Variants in APC observed in about 807,000 individuals in gnomAD.
APC encodes the protein adenomatous polyposis coli protein.
Under a neutral mutation model 247.0 loss-of-function variants are expected in APC, and 72 were observed. The observed-to-expected ratio is 0.29, with a 90% CI of 0.24 to 0.35. The LOEUF is 0.35. Ranked by LOEUF, APC falls within the 10% of genes least tolerant of loss-of-function variation. APC has a pLI of 1.00. For synonymous variants in APC, 1,254 were observed against 1,162.5 expected (o/e 1.08, Z -1.60); for missense variants, 3,400 against 3,360.7 (o/e 1.01, Z -0.29).
chr5:112,789,156 A>G (rs962205400), intron 6 of APC, among the ~76,000 whole-genome samples: 1 of 152,242 alleles, frequency 6.6e-6, no homozygotes, highest in Non-Finnish European at 1.5e-5. Flanking sequence ...CTAAAGTCAT[A>G]TCAAGTCCAT....
intron 1 of APC, among the ~76,000 whole-genome samples, chr5:112,708,682 A>G (rs1750673948): frequency 6.6e-6 from 1 of 152,230 alleles, no homozygotes; most frequent in Non-Finnish European, 1.5e-5. Flanking sequence ...TTAGAATTCC[A>G]TGTTGTACAA....
intron 1 of APC, among the ~76,000 whole-genome samples, chr5:112,729,409 A>C (rs1751977287): frequency 6.6e-6 from 1 of 152,218 alleles, no homozygotes; most frequent in African/African-American, 2.4e-5. Flanking sequence ...GGAAGGTGTG[A>C]TCTTTGAAAA....
intron 8 of APC, 71 bp from the exon 9 acceptor site, chr5:112,815,424 A>T: frequency 9.4e-7 from 1 of 1,067,722 alleles, no homozygotes; most frequent in African/African-American, 1.6e-5. Context: ...CATTTGGAGT[A>T]CCTTAACATG....
At chr5:112,746,168 G>T (rs1227200130) in intron 1 of APC, among the ~76,000 whole-genome samples, 1 of 151,984 alleles carries the variant, frequency 6.6e-6, no homozygotes, top group African/African-American at 2.4e-5. Flanking sequence ...AACTATTAAT[G>T]AATAAAATTA....
intron 5 of APC, among the ~76,000 whole-genome samples, chr5:112,780,244 A>G (rs1310246271): frequency 6.6e-6 from 1 of 151,758 alleles, no homozygotes; most frequent in African/African-American, 2.4e-5. Flanking sequence ...GACTTTATCT[A>G]CTCTATTTAT....
At position 112,828,010 on chromosome 5, in the gene APC, C is replaced by A. The variant is rs1202435147; in HGVS notation, c.1626+4C>A. On this transcript the variant is annotated splice_donor_region_variant and intron_variant, in intron 13 of 15. Transcript: ENST00000257430. ...TGAAAGTGAAGACTTACAGCAGGTA[C>A]TATTTAGAATTTCACCTGTTTTTCT... 3.1e-6 allele frequency: 5 copies of A among 1,610,124 alleles called. No individual in the cohort carries two copies. The highest frequency in any genetic ancestry group is 4.2e-6 in the Non-Finnish European group (5 of 1,177,970).
chr5:112,768,043 CTTTTTTTTTT>C (rs761163996), intron 4 of APC, among the ~76,000 whole-genome samples: 2 of 133,230 alleles, frequency 1.5e-5, no homozygotes, highest in Non-Finnish European at 3.3e-5. Context: ...AAGACTCTTT[CTTTTTTTTTT>C]TTTTTTTGAG....
intron 2 of APC, among the ~76,000 whole-genome samples, chr5:112,761,296 G>A (rs1005027333): frequency 2.6e-5 from 4 of 152,002 alleles, no homozygotes; most frequent in African/African-American, 9.7e-5. Flanking sequence ...ATAATCAAGG[G>A]AACAAATAGG....
At chr5:112,804,106 A>G (rs1676729181) in intron 8 of APC, among the ~76,000 whole-genome samples, 1 of 152,122 alleles carries the variant, frequency 6.6e-6, no homozygotes, top group Non-Finnish European at 1.5e-5. Flanking sequence ...GCTTCAGTTC[A>G]TATTATATGT....
At chr5:112,785,208 A>C (rs1157138405) in intron 6 of APC, among the ~76,000 whole-genome samples, 1 of 152,198 alleles carries the variant, frequency 6.6e-6, no homozygotes, top group South Asian at 2.1e-4. Flanking sequence ...TATGAATCCT[A>C]CACTATTTTT....
intron 8 of APC, among the ~76,000 whole-genome samples, chr5:112,802,119 A>G (rs1760893521): frequency 6.6e-6 from 1 of 152,100 alleles, no homozygotes. Flanking sequence ...ATTTCACTAA[A>G]TTGTTCTTAA....
At position 112,739,639 on chromosome 5, in the gene APC, C is replaced by G. The variant is rs547906491; in HGVS notation, c.-19+1714C>G. 2.0e-5 allele frequency among the ~76,000 whole-genome samples: 3 copies of G among 152,290 alleles called. No homozygotes were observed. The East Asian group carries it at 5.8e-4, about 29-fold the overall frequency. On this transcript the variant is annotated intron_variant, in intron 1 of 15. Transcript: ENST00000257430. ...AACAGGAGGCTGAGGGAAGCTGAGG[C>G]AGGAGGATCACTTGAGCCTTGGCGT...
At chr5:112,765,180 C>T (rs1254711122) in intron 2 of APC, among the ~76,000 whole-genome samples, 1 of 152,208 alleles carries the variant, frequency 6.6e-6, no homozygotes, top group African/African-American at 2.4e-5. Context: ...CTGTGGCTCA[C>T]TGCAGCCTCA....
intron 1 of APC, among the ~76,000 whole-genome samples, chr5:112,711,760 C>G (rs900906289): frequency 6.6e-6 from 1 of 152,146 alleles, no homozygotes; most frequent in African/African-American, 2.4e-5. Context: ...TTGGCTCTTG[C>G]AATTGGCAAG....
At chr5:112,740,925 A>G (rs1293543185) in intron 1 of APC, among the ~76,000 whole-genome samples, 1 of 152,192 alleles carries the variant, frequency 6.6e-6, no homozygotes, top group African/African-American at 2.4e-5. Context: ...ATACTTGTAT[A>G]TGTTTAAATG....
rs2149789925 is a variant in APC at position 112,767,377 on chromosome 5, C to G, written c.409C>G (p.Leu137Val). Residue 137 changes from leucine (L) to valine (V), a missense_variant, in exon 4 of 16, where the codon CTT becomes GTT. By Grantham distance (32) the Leu-to-Val change is conservative. Around this residue, in one of 9 missense-constraint regions of APC, gnomAD observed 372 missense variants for 367.6 expected, o/e 1.01. Coordinates refer to ENST00000257430, the MANE Select transcript of APC (RefSeq NM_000038.6). ...SRESTGYLEE[L>V]EKERSLLLAD... Reference sequence around the variant, plus strand: ...AGAAAGTACTGGATATTTAGAAGAACTTGAGAAAGAGAGGTAACTTTTCTT... The same window carrying G: ...AGAAAGTACTGGATATTTAGAAGAAGTTGAGAAAGAGAGGTAACTTTTCTT... 1 of 1,613,810 alleles carries G rather than the reference C, an allele frequency of 6.2e-7. No homozygotes were observed. The highest frequency in any genetic ancestry group is 1.1e-5 in the South Asian group (1 of 91,064).
intron 1 of APC, among the ~76,000 whole-genome samples, chr5:112,711,498 G>T (rs1426831023): frequency 1.3e-5 from 2 of 152,174 alleles, no homozygotes; most frequent in African/African-American, 4.8e-5. Flanking sequence ...TCCTGATTCT[G>T]TATTTCTCAG....
chr5:112,721,306 C>T (rs143511106), intron 1 of APC, among the ~76,000 whole-genome samples: 1 of 151,892 alleles, frequency 6.6e-6, no homozygotes, highest in Admixed American at 6.6e-5. Flanking sequence ...CCCAGCTACT[C>T]GAGAGGCTGA....
At position 112,844,177 on chromosome 5, in the gene APC, T is replaced by C. The variant is rs776752564; in HGVS notation, c.*51T>C. ...AATTCTATGTTAATTACAACTGCTA[T>C]ATAGACATTTTGTTTCAAATGAAAC... On this transcript the variant is annotated 3_prime_UTR_variant, in exon 16 of 16. Transcript: ENST00000257430. 3.5e-5 allele frequency: 52 copies of C among 1,484,602 alleles called. No individual in the cohort carries two copies. The highest frequency in any genetic ancestry group is 2.5e-4 in the South Asian group (21 of 83,420). 92.0% of individuals were successfully genotyped at this position (1,484,602 alleles called of 1,614,324 possible). A position where few individuals can be genotyped will look rare whatever the true frequency, so the allele number is the denominator to read the frequency against.
Sources: gnomAD v4.1 joint callset for allele counts (sites outside exome capture counted in the v4.1 genomes callset) on GRCh38, gnomAD v4.1.1 for gene constraint, gnomAD v4.1.1 regional missense constraint, MANE v1.5 for transcripts, NCBI Gene and HGNC (gene_info 2026-07-23, HGNC 2026-07-21) for gene names.